The following KIT variants were observed in gnomAD, a reference collection of about 807,000 sequenced individuals.
The protein encoded by KIT is mast/stem cell growth factor receptor Kit.
Under a neutral mutation model 105.7 loss-of-function variants are expected in KIT, and 16 were observed. The observed-to-expected ratio is 0.15, with a 90% CI of 0.10 to 0.23. The LOEUF (loss-of-function observed/expected upper bound fraction) is 0.23. Ranked by LOEUF, KIT falls within the 10% of genes least tolerant of loss-of-function variation. KIT has a pLI of 1.00. For synonymous variants in KIT, 438 were observed against 441.1 expected (o/e 0.99, Z 0.09); for missense variants, 858 against 1,213.8 (o/e 0.71, Z 4.36).
At chr4:54,727,568 T>C (rs1008337491) in intron 11 of KIT, 26 bp downstream of exon 11, 4 of 1,614,004 alleles carry the variant, frequency 2.5e-6, no homozygotes, top group African/African-American at 2.7e-5. Flanking sequence ...GGGCTTTCCA[T>C]GTCACCTTTT....
chr4:54,670,924 T>C (rs1718065223), intron 1 of KIT, among the ~76,000 whole-genome samples: 1 of 152,070 alleles, frequency 6.6e-6, no homozygotes, highest in African/African-American at 2.4e-5. Flanking sequence ...AACCTAAATA[T>C]AAAAATAAAG....
At chr4:54,707,935 C>T (rs1267352641) in intron 6 of KIT, among the ~76,000 whole-genome samples, 6 of 152,214 alleles carry the variant, frequency 3.9e-5, no homozygotes, top group Middle Eastern at 3.4e-3. Context: ...TGACCAAGAC[C>T]GAACGGCTAA....
At chr4:54,676,962 C>T (rs1015916954) in intron 1 of KIT, among the ~76,000 whole-genome samples, 4 of 152,148 alleles carry the variant, frequency 2.6e-5, no homozygotes, top group African/African-American at 9.7e-5. Context: ...TAGGTCAGAT[C>T]AGCCCTCATT....
chr4:54,684,050 G>A (rs917219039), intron 1 of KIT, among the ~76,000 whole-genome samples: 9 of 152,198 alleles, frequency 5.9e-5, no homozygotes, highest in Non-Finnish European at 1.0e-4. Flanking sequence ...TGTCCGTGTG[G>A]TTTAAGGCAG....
At chr4:54,675,634 A>G (rs930815383) in intron 1 of KIT, among the ~76,000 whole-genome samples, 2 of 152,176 alleles carry the variant, frequency 1.3e-5, no homozygotes, top group Non-Finnish European at 2.9e-5. Flanking sequence ...AGAATTAACT[A>G]TTGCAGCAAT....
At chr4:54,684,527 A>C (rs2256753) in intron 1 of KIT, among the ~76,000 whole-genome samples, 25,078 of 151,684 alleles carry the variant, frequency 0.17, 4,003 homozygotes, top group African/African-American at 0.42. Flanking sequence ...TCCTCTGTGG[A>C]TGTTCATCTC....
intron 1 of KIT, among the ~76,000 whole-genome samples, chr4:54,658,708 G>C (rs1373243371): frequency 1.3e-5 from 2 of 152,158 alleles, no homozygotes; most frequent in African/African-American, 4.8e-5. Context: ...CCGCCTCCGG[G>C]TTAGGCTTTT....
chr4:54,732,042 T>C (rs758143753), intron 16 of KIT, 44 bp downstream of exon 16: 46 of 1,558,356 alleles, frequency 3.0e-5, no homozygotes, highest in Non-Finnish European at 3.7e-5. Context: ...TTTTGTTTTT[T>C]TGATTTTTTT....
At chr4:54,725,440 A>G (rs115518553) in intron 8 of KIT, among the ~76,000 whole-genome samples, 2,786 of 152,054 alleles carry the variant, frequency 0.018, 86 homozygotes, top group African/African-American at 0.063. Flanking sequence ...CCTCTATGCT[A>G]TTTCTTTTCA....
rs1720999728 is a variant in KIT at position 54,709,459 on chromosome 4, G to A, written c.1151G>A (p.Gly384Asp). The part of the protein sequence containing the change: ...VSELHLTRLK[G>D]TEGGTYTFLV... ...GAACTTCATCTAACGAGATTAAAAGGCACCGAAGGAGGCACTTACACATTC... is the reference window on the plus strand; with the variant it reads ...GAACTTCATCTAACGAGATTAAAAGACACCGAAGGAGGCACTTACACATTC... Residue 384 changes from glycine (G) to aspartate (D), a missense_variant, in exon 7 of 21, where the codon GGC (glycine) becomes GAC (aspartate). By Grantham distance (94) the Gly-to-Asp change is moderately conservative. Around this residue, in one of 7 missense-constraint regions of KIT, gnomAD observed 401 missense variants for 601.0 expected, o/e 0.67. Transcript: ENST00000288135. 6.2e-7 allele frequency: 1 copy of A among 1,613,566 alleles called. No homozygotes were observed. The highest frequency in any genetic ancestry group is 1.3e-5 in the African/African-American group (1 of 74,992).
rs141347955 is a variant in KIT, at chr4:54,733,192, C to T, written c.2484C>T (p.Asn828=). 1.2e-4 allele frequency: 193 copies of T among 1,612,030 alleles called. No individual in the cohort carries two copies. The highest frequency in any genetic ancestry group is 3.2e-4 in the Admixed American group (19 of 59,964). ...ATTCTAATTATGTGGTTAAAGGAAA[C>T]GTGAGTACCCATTCTCTGCTTGACA... ...KNDSNYVVKG[N]ARLPVKWMAP... The change falls in exon 17 of 21, where the codon AAC becomes AAT. Residue 828 remains asparagine, a splice_region_variant and synonymous_variant. Transcript: ENST00000288135.
At chr4:54,721,113 G>A (rs1721841809) in intron 7 of KIT, among the ~76,000 whole-genome samples, 1 of 152,158 alleles carries the variant, frequency 6.6e-6, no homozygotes, top group Admixed American at 6.6e-5. Flanking sequence ...GGAGTCACAA[G>A]TATACTCAAT....
chr4:54,678,367 T>TCCCTCCCTCCCTCCCC (rs1718663633), intron 1 of KIT, among the ~76,000 whole-genome samples: 1 of 78,642 alleles, frequency 1.3e-5, no homozygotes, highest in African/African-American at 5.3e-5. Flanking sequence ...CCTCCCTCCC[T>TCCCTCCCTCCCTCCCC]CCCTCCCTCC....
intron 7 of KIT, among the ~76,000 whole-genome samples, chr4:54,722,205 C>CA: frequency 6.6e-6 from 1 of 152,092 alleles, no homozygotes; most frequent in East Asian, 1.9e-4. Context: ...AGGCTAGTCT[C>CA]AAACTCCTGA....
At chr4:54,706,953 T>G in intron 5 of KIT, 145 bp from the exon 6 acceptor site, 1 of 606,270 alleles carries the variant, frequency 1.6e-6, no homozygotes, top group South Asian at 2.0e-5. Flanking sequence ...CAAAATAAAA[T>G]GAAAAACAGC....
At chr4:54,725,005 G>A (rs1280585542) in intron 8 of KIT, among the ~76,000 whole-genome samples, 1 of 152,200 alleles carries the variant, frequency 6.6e-6, no homozygotes, top group African/African-American at 2.4e-5. Flanking sequence ...ATCCCTTGCA[G>A]TGGTGGTCTC....
At chr4:54,659,959 G>C (rs985035119) in intron 1 of KIT, among the ~76,000 whole-genome samples, 1 of 152,062 alleles carries the variant, frequency 6.6e-6, no homozygotes, top group African/African-American at 2.4e-5. Context: ...TCTTGGCTGC[G>C]TGCCCTTGGC....
rs2109820533 is a variant in KIT, at chr4:54,738,662, G to C, written c.*105G>C. ...ACTTGCATCCAACTCCAGGATAGTG[G>C]GCACCCCACTGCAATCCTGTCTTTC... On this transcript the variant is annotated 3_prime_UTR_variant, in exon 21 of 21. Transcript: ENST00000288135. 7.3e-7 allele frequency: 1 copy of C among 1,375,894 alleles called. No individual in the cohort carries two copies. The highest frequency in any genetic ancestry group is 1.0e-6 in the Non-Finnish European group (1 of 976,810). 85.2% of individuals were successfully genotyped at this position (1,375,894 alleles called of 1,614,324 possible).
chr4:54,712,698 T>A (rs973268759), intron 7 of KIT, among the ~76,000 whole-genome samples: 2 of 152,160 alleles, frequency 1.3e-5, no homozygotes, highest in African/African-American at 2.4e-5. Context: ...AGATAGGATA[T>A]GTTGTTAGCC....
Sources: gnomAD v4.1 joint callset for allele counts (sites outside exome capture counted in the v4.1 genomes callset) on GRCh38, gnomAD v4.1.1 for gene constraint, gnomAD v4.1.1 regional missense constraint, MANE v1.5 for transcripts, NCBI Gene and HGNC (gene_info 2026-07-23, HGNC 2026-07-21) for gene names.